Variants in CD58 observed in about 807,000 individuals in gnomAD.
CD58 encodes CD58 molecule.
CD58 carries 14 observed loss-of-function variants against 27.6 expected under a neutral mutation model. The observed-to-expected ratio is 0.51, with a 90% CI of 0.34 to 0.79. The LOEUF is 0.79. Among genes scored for constraint, CD58 ranks in the 30% least tolerant of loss-of-function variants. The pLI, the probability that CD58 is intolerant of heterozygous loss-of-function variation, is 0.02. For synonymous variants in CD58, 117 were observed against 103.8 expected, an observed-to-expected ratio of 1.13 and a Z score of -0.77; for missense variants, 268 against 301.7, an observed-to-expected ratio of 0.89 and a Z score of 0.83.
chr1:116,518,150 A>G (rs1657147315), intron 5 of CD58, among the ~76,000 whole-genome samples: 1 of 152,164 alleles, frequency 6.6e-6, no homozygotes, highest in Non-Finnish European at 1.5e-5. Flanking sequence ...CAAAGCACAG[A>G]GAGTTTAAGT....
intron 1 of CD58, among the ~76,000 whole-genome samples, chr1:116,545,993 A>G (rs1658157368): frequency 6.6e-6 from 1 of 152,102 alleles, no homozygotes; most frequent in Admixed American, 6.5e-5. Context: ...CCTGGGTAAA[A>G]TGGCGAAACC....
Position 116,519,213 on chromosome 1 carries a change from A to G in CD58, c.743+18T>C. On this transcript the variant is annotated intron_variant, in intron 5 of 5. Transcript: ENST00000369489. The surrounding 1 kb of genome is among the most constrained non-coding windows in gnomAD (Gnocchi z 4.7). ...GCTGTTGTTCTGGCACAGAGTGCAC[A>G]GCCTGCAGTGTACTTACTTGGTTCT... 1 of 1,611,998 alleles carries G rather than the reference A, an allele frequency of 6.2e-7. No homozygotes were observed. Among genetic ancestry groups the G allele is most frequent in the Non-Finnish European group, 8.5e-7 (1 of 1,178,716 alleles).
Position 116,546,873 on chromosome 1 carries a change from G to A in CD58, c.71-2269C>T, listed in dbSNP as rs1025262972. Among the ~76,000 whole-genome samples, 3 of 152,120 alleles carry A rather than the reference G, an allele frequency of 2.0e-5. No individual in the cohort carries two copies. The highest frequency in any genetic ancestry group is 4.4e-5 in the Non-Finnish European group (3 of 68,028). On this transcript the variant is annotated intron_variant, in intron 1 of 5. Transcript: ENST00000369489. The surrounding 1 kb of genome is among the most constrained non-coding windows in gnomAD (Gnocchi z 4.1). The stretch of plus-strand genomic sequence containing the variant: ...TTTCTTCCGCCTCTGCCATCCCTGA[G>A]ATAGCAAGACCAACCCCTCCTCCCA...
In CD58 at chr1:116,570,959, C is replaced by T. The variant is rs1477847982; in HGVS notation, c.14G>A (p.Ser5Asn). Residue 5 changes from serine to asparagine, a missense_variant, in exon 1 of 6, where the codon AGC becomes AAC. Coordinates refer to ENST00000369489, the MANE Select transcript of CD58 (RefSeq NM_001779.3). This position sits in a 1 kb window ranked among gnomAD's most constrained non-coding sequence, Gnocchi z 6.4. The part of the protein sequence containing the change: MVAG[S>N]DAGRALGVLS... ...GACCCCCAGGGCCCGCCCCGCGTCG[C>T]TCCCAGCAACCATGGCTCGTCGGGC... is the stretch of plus-strand genomic sequence containing the variant. The T allele has an allele frequency of 6.4e-7, 1 of 1,561,682 alleles. No homozygotes were observed. The highest frequency in any genetic ancestry group is 8.6e-7 in the Non-Finnish European group (1 of 1,160,410).
At chr1:116,567,690 T>TA (rs1362113603) in intron 1 of CD58, among the ~76,000 whole-genome samples, 5 of 152,282 alleles carry the variant, frequency 3.3e-5, no homozygotes, top group African/African-American at 1.2e-4. Flanking sequence ...AGAATCACCA[T>TA]AGGATACTAA....
rs996538169 is a variant in CD58, at chr1:116,528,157, G to T, written c.629-6174C>A. ...AGTCACAAGAGACCAACTTAAATCA[G>T]TCCAAAAATCCTCCTACTTCTGTTT... On this transcript the variant is annotated intron_variant, in intron 3 of 5. Coordinates refer to ENST00000369489, the MANE Select transcript of CD58 (RefSeq NM_001779.3). This position sits in a 1 kb window ranked among gnomAD's most constrained non-coding sequence, Gnocchi z 4.4. 3.3e-5 allele frequency among the ~76,000 whole-genome samples: 5 copies of T among 152,170 alleles called. No homozygotes were observed. Among genetic ancestry groups the T allele is most frequent in the Admixed American group, 1.3e-4 (2 of 15,280 alleles).
chr1:116,566,951 C>A (rs1002536421), intron 1 of CD58, among the ~76,000 whole-genome samples: 3 of 151,158 alleles, frequency 2.0e-5, no homozygotes, highest in Admixed American at 6.6e-5. Flanking sequence ...CCAGCCTGGG[C>A]AACATGGCAA....
Position 116,538,843 on chromosome 1 carries a change from C to T in CD58, c.365-2615G>A, listed in dbSNP as rs1396783598. Among the ~76,000 whole-genome samples the T allele has an allele frequency of 6.6e-6, 1 of 152,178 alleles. No individual in the cohort carries two copies. Among genetic ancestry groups the T allele is most frequent in the African/African-American group, 2.4e-5 (1 of 41,438 alleles). ...AAGCAGTACAGGACAGATGGGGAGACAGATGGATAGAAGGATAGATTCAGA... is the reference window on the plus strand; with the variant it reads ...AAGCAGTACAGGACAGATGGGGAGATAGATGGATAGAAGGATAGATTCAGA... On this transcript the variant is annotated intron_variant, in intron 2 of 5. Transcript: ENST00000369489. This position sits in a 1 kb window ranked among gnomAD's most constrained non-coding sequence, Gnocchi z 4.7.
rs1657180902 is a variant in CD58 at position 116,519,018 on chromosome 1, G to T, written c.743+213C>A. 1.7e-6 allele frequency: 2 copies of T among 1,162,120 alleles called. No homozygotes were observed. The highest frequency in any genetic ancestry group is 2.9e-5 in the Admixed American group (1 of 33,960). The allele number at this position is 1,162,120 out of a possible 1,614,324, so 72.0% of individuals were successfully genotyped here. The stretch of plus-strand genomic sequence containing the variant: ...TCCTCCTGCAAGGCTCATTGAGAGG[G>T]TTCCAGGAAACGATATGCAGAGAGT... On this transcript the variant is annotated intron_variant, in intron 5 of 5. Transcript: ENST00000369489. The surrounding 1 kb of genome is among the most constrained non-coding windows in gnomAD (Gnocchi z 4.7).
rs1028708821 is a variant in CD58 at position 116,560,878 on chromosome 1, C to T, written c.70+10025G>A. Reference sequence around the variant, plus strand: ...CTGAACTTATCTGAGAAAAGAGAAACGGCTGCATCCTGGTTTCACTTACAA... The same window carrying T: ...CTGAACTTATCTGAGAAAAGAGAAATGGCTGCATCCTGGTTTCACTTACAA... On this transcript the variant is annotated intron_variant, in intron 1 of 5. Coordinates refer to ENST00000369489, the MANE Select transcript of CD58 (RefSeq NM_001779.3). Among the ~76,000 whole-genome samples the T allele has an allele frequency of 3.9e-5, 6 of 152,166 alleles. No homozygotes were observed. In the East Asian group the frequency reaches 5.8e-4, roughly 15 times the overall value.
At chr1:116,526,091 T>C (rs1213587775) in intron 3 of CD58, among the ~76,000 whole-genome samples, 1 of 152,236 alleles carries the variant, frequency 6.6e-6, no homozygotes, top group Non-Finnish European at 1.5e-5. Flanking sequence ...ATATTTTGGA[T>C]AACAGTCTTT....
rs952641177 is a variant in CD58 at position 116,550,432 on chromosome 1, G to C, written c.71-5828C>G. Among the ~76,000 whole-genome samples the C allele has an allele frequency of 2.0e-5, 3 of 151,902 alleles. No homozygotes were observed. Among genetic ancestry groups the C allele is most frequent in the Non-Finnish European group, 1.5e-5 (1 of 68,020 alleles). On this transcript the variant is annotated intron_variant, in intron 1 of 5. Transcript: ENST00000369489. This position sits in a 1 kb window ranked among gnomAD's most constrained non-coding sequence, Gnocchi z 4.2. ...GCCATCTGAAGAAACCACTTTCTTT[G>C]CTCATCCATAAGAAGCAACTCCTCA...
In CD58 at chr1:116,528,128, T is replaced by A. The variant is rs902582927; in HGVS notation, c.629-6145A>T. Among the ~76,000 whole-genome samples the A allele has an allele frequency of 4.6e-5, 7 of 152,236 alleles. No homozygotes were observed. The highest frequency in any genetic ancestry group is 7.3e-5 in the Non-Finnish European group (5 of 68,042). On this transcript the variant is annotated intron_variant, in intron 3 of 5. Coordinates refer to ENST00000369489, the MANE Select transcript of CD58 (RefSeq NM_001779.3). This position sits in a 1 kb window ranked among gnomAD's most constrained non-coding sequence, Gnocchi z 4.4. ...CACTATTCTTCCCAGTGGAAAGTCA[T>A]AAAAGTCACAAGAGACCAACTTAAA... is the stretch of plus-strand genomic sequence containing the variant.
chr1:116,549,049 C>A lies in CD58; in HGVS notation c.71-4445G>T, dbSNP rs191975306. Reference sequence around the variant, plus strand: ...TCTGACTCCTTGGTCAGTGCCCTTTCAGAACAGCGTGGTCCCACATTCAGG... The same window carrying A: ...TCTGACTCCTTGGTCAGTGCCCTTTAAGAACAGCGTGGTCCCACATTCAGG... On this transcript the variant is annotated intron_variant, in intron 1 of 5. Transcript: ENST00000369489. 1.2e-3 allele frequency among the ~76,000 whole-genome samples: 183 copies of A among 152,320 alleles called. 1 individual carries two copies. Among genetic ancestry groups the A allele is most frequent in the Non-Finnish European group, 4.3e-4 (29 of 68,022 alleles).
rs1658187365 is a variant in CD58 at position 116,546,752 on chromosome 1, T to C, written c.71-2148A>G. 6.6e-6 allele frequency among the ~76,000 whole-genome samples: 1 copy of C among 151,816 alleles called. No homozygotes were observed. The highest frequency in any genetic ancestry group is 1.5e-5 in the Non-Finnish European group (1 of 67,940). The stretch of plus-strand genomic sequence containing the variant: ...AGCTAGTGGTGGAGGGAAGTGAGGG[T>C]AGAGAAAGGGGAGACTGCAGCTCAG... On this transcript the variant is annotated intron_variant, in intron 1 of 5. Transcript: ENST00000369489. This position sits in a 1 kb window ranked among gnomAD's most constrained non-coding sequence, Gnocchi z 4.1.
chr1:116,544,315 C>T lies in CD58; in HGVS notation c.360G>A (p.Val120=). Residue 120 remains valine (V), a synonymous_variant, in exon 2 of 6, where the codon GTG becomes GTA. Transcript: ENST00000369489. The part of the protein sequence containing the change: ...ITDTMKFFLY[V]LESLPSPTLT... ...ATCAACTTATGGAATACTCACCAAG[C>T]ACATAAAGAAAGAACTTCATGGTAT... The T allele has an allele frequency of 1.3e-6, 2 of 1,593,600 alleles. No individual in the cohort carries two copies. Among genetic ancestry groups the T allele is most frequent in the Non-Finnish European group, 1.7e-6 (2 of 1,171,650 alleles).
intron 2 of CD58, among the ~76,000 whole-genome samples, chr1:116,542,018 C>T (rs1557838258): frequency 6.6e-6 from 1 of 152,218 alleles, no homozygotes; most frequent in East Asian, 1.9e-4. Context: ...GTGGCTCACA[C>T]CTGTAATCCC....
rs149646986 is a variant in CD58, at chr1:116,518,043, T to C, written c.743+1188A>G. Among the ~76,000 whole-genome samples, 883 of 152,376 alleles carry C rather than the reference T, an allele frequency of 5.8e-3. 6 individuals are homozygous for C. The highest frequency in any genetic ancestry group is 0.01 in the Non-Finnish European group (684 of 68,038). On this transcript the variant is annotated intron_variant, in intron 5 of 5. Coordinates refer to ENST00000369489, the MANE Select transcript of CD58 (RefSeq NM_001779.3). ...GCCACTATTGTAAGCATTGTACTTA[T>C]ATTAATATATTTTGACACAGTTATT...
chr1:116,550,866 G>C lies in CD58; in HGVS notation c.71-6262C>G, dbSNP rs115252409. Among the ~76,000 whole-genome samples the C allele has an allele frequency of 3.7e-3, 570 of 152,266 alleles. 8 individuals carry two copies. The highest frequency in any genetic ancestry group is 0.013 in the African/African-American group (560 of 41,538). ...TGCAGAATGGATGTTGTATTAGCAA[G>C]CATGAAAACAACACTCATCTCCTTG... On this transcript the variant is annotated intron_variant, in intron 1 of 5. Coordinates refer to ENST00000369489, the MANE Select transcript of CD58 (RefSeq NM_001779.3). This position sits in a 1 kb window ranked among gnomAD's most constrained non-coding sequence, Gnocchi z 4.2.
Sources: allele counts gnomAD v4.1 joint callset (sites outside exome capture counted in the v4.1 genomes callset), GRCh38; gene constraint gnomAD v4.1.1; non-coding constraint Gnocchi (gnomAD v3.1); transcripts MANE v1.5; gene names NCBI Gene and HGNC (gene_info 2026-07-23, HGNC 2026-07-21).